Variants in ATP9B observed in about 807,000 individuals in gnomAD.
ATP9B encodes probable phospholipid-transporting ATPase IIB.
ATP9B carries 110 observed loss-of-function variants against 146.1 expected under a neutral mutation model. The ratio of observed to expected loss-of-function variants is 0.75; its 90% CI spans 0.65 to 0.88. The LOEUF is 0.88. ATP9B is among the 40% of genes least tolerant of loss of function. The pLI is 0.00. For synonymous variants in ATP9B, 604 were observed against 569.7 expected (o/e 1.06, Z -0.86); for missense variants, 1,499 against 1,496.4 (o/e 1.00, Z -0.03).
chr18:79,235,492 TAAC>T (rs2095832756), intron 11 of ATP9B, among the ~76,000 whole-genome samples: 2 of 152,238 alleles, frequency 1.3e-5, no homozygotes, highest in African/African-American at 2.4e-5. Flanking sequence ...TTTTGCGTAA[TAAC>T]AATTATAATA....
intron 13 of ATP9B, among the ~76,000 whole-genome samples, chr18:79,303,161 A>C (rs1181179664): frequency 2.0e-5 from 3 of 152,216 alleles, no homozygotes; most frequent in Non-Finnish European, 4.4e-5. Flanking sequence ...GGATCGCTTG[A>C]GACCAGGCTG....
intron 12 of ATP9B, among the ~76,000 whole-genome samples, chr18:79,259,227 C>T (rs1455185753): frequency 6.6e-6 from 1 of 152,106 alleles, no homozygotes; most frequent in Non-Finnish European, 1.5e-5. Flanking sequence ...TATATGTTCC[C>T]TAAATCCTGT....
chr18:79,108,165 C>T (rs771130902), intron 2 of ATP9B, among the ~76,000 whole-genome samples: 4 of 152,124 alleles, frequency 2.6e-5, no homozygotes, highest in African/African-American at 7.2e-5. Context: ...ACAGAGCAGT[C>T]GCAGTCTGCA....
At chr18:79,200,698 G>A (rs983338655) in intron 9 of ATP9B, among the ~76,000 whole-genome samples, 1 of 152,242 alleles carries the variant, frequency 6.6e-6, no homozygotes, top group African/African-American at 2.4e-5. Context: ...GAGTAAATGT[G>A]TTTATGTCAG....
At chr18:79,251,746 C>G (rs2096025975) in intron 11 of ATP9B, among the ~76,000 whole-genome samples, 1 of 152,170 alleles carries the variant, frequency 6.6e-6, no homozygotes, top group Admixed American at 6.5e-5. Context: ...GGCAAAGTTG[C>G]AGATTTTTCA....
rs1487493427 is a variant in ATP9B, at chr18:79,097,711, A to AT, written c.293+1068dup. Among the ~76,000 whole-genome samples the AT allele has an allele frequency of 2.7e-5, 4 of 146,722 alleles. No homozygotes were observed. In the East Asian group the frequency reaches 7.8e-4, roughly 29 times the overall value. On this transcript the variant is annotated intron_variant, in intron 2 of 29. Coordinates refer to ENST00000426216, the MANE Select transcript of ATP9B (RefSeq NM_198531.5). ...TCCCTACAAAGGACATGAACTCATC[A>AT]TTTTTTATGGCTGCATAGTATTCCA...
At position 79,372,896 on chromosome 18, in the gene ATP9B, C is replaced by G. The variant is rs1040551453; in HGVS notation, c.3070+14C>G. 1.3e-6 allele frequency: 2 copies of G among 1,576,438 alleles called. No individual in the cohort carries two copies. On this transcript the variant is annotated intron_variant, in intron 27 of 29. Transcript: ENST00000426216. Reference sequence around the variant, plus strand: ...GTATTTACCAAGGTAAGACGAGATCCTTAGTTTACTGGACTAAAGATTTTT... The same window carrying G: ...GTATTTACCAAGGTAAGACGAGATCGTTAGTTTACTGGACTAAAGATTTTT...
chr18:79,303,943 A>G (rs1311054569), intron 14 of ATP9B, among the ~76,000 whole-genome samples: 1 of 152,154 alleles, frequency 6.6e-6, no homozygotes, highest in Non-Finnish European at 1.5e-5. Flanking sequence ...TCATTTATTC[A>G]TATCACATTT....
intron 1 of ATP9B, chr18:79,087,365 G>A (rs1012964388): frequency 6.6e-6 from 1 of 152,260 alleles, no homozygotes; most frequent in Non-Finnish European, 1.5e-5. Flanking sequence ...TGTCTCCTTT[G>A]CTGCTATTGG....
At chr18:79,182,371 A>G (rs369328482) in intron 8 of ATP9B, among the ~76,000 whole-genome samples, 26 of 152,282 alleles carry the variant, frequency 1.7e-4, no homozygotes, top group Admixed American at 5.2e-4. Flanking sequence ...AACACTTTGC[A>G]TATTTCTGCA....
At chr18:79,077,943 G>A (rs1042472688) in intron 1 of ATP9B, 3 of 152,092 alleles carry the variant, frequency 2.0e-5, no homozygotes, top group East Asian at 1.9e-4. Flanking sequence ...AATAAAAGCC[G>A]GTTCGATCTT....
chr18:79,133,207 T>C (rs1298631271), intron 5 of ATP9B, among the ~76,000 whole-genome samples: 1 of 152,138 alleles, frequency 6.6e-6, no homozygotes, highest in Non-Finnish European at 1.5e-5. Context: ...TGAAGTGTAC[T>C]TAAATCATTT....
chr18:79,227,806 C>T (rs1381893755), intron 11 of ATP9B, among the ~76,000 whole-genome samples: 1 of 152,230 alleles, frequency 6.6e-6, no homozygotes, highest in Non-Finnish European at 1.5e-5. Context: ...CACGTGGGCT[C>T]CAGCCCAGCA....
At chr18:79,252,194 G>A (rs1180823528) in intron 11 of ATP9B, among the ~76,000 whole-genome samples, 1 of 152,258 alleles carries the variant, frequency 6.6e-6, no homozygotes, top group African/African-American at 2.4e-5. Context: ...GTACTGCCCA[G>A]TAGGAACCGT....
At chr18:79,162,395 A>G (rs1224594016) in intron 7 of ATP9B, among the ~76,000 whole-genome samples, 1 of 152,236 alleles carries the variant, frequency 6.6e-6, no homozygotes, top group African/African-American at 2.4e-5. Flanking sequence ...CACTTTCTTA[A>G]TTCAGATCAA....
At chr18:79,234,877 T>C (rs1251339984) in intron 11 of ATP9B, among the ~76,000 whole-genome samples, 1 of 152,224 alleles carries the variant, frequency 6.6e-6, no homozygotes, top group Non-Finnish European at 1.5e-5. Flanking sequence ...TTGCATATTA[T>C]TTATTTATTT....
At chr18:79,338,843 T>G (rs554121561) in intron 19 of ATP9B, among the ~76,000 whole-genome samples, 1 of 152,362 alleles carries the variant, frequency 6.6e-6, no homozygotes, top group East Asian at 1.9e-4. Flanking sequence ...AAGTGTAACT[T>G]GGTTTTCAGA....
At chr18:79,291,881 T>G (rs901158133) in intron 13 of ATP9B, among the ~76,000 whole-genome samples, 9 of 152,188 alleles carry the variant, frequency 5.9e-5, no homozygotes, top group Non-Finnish European at 1.3e-4. Flanking sequence ...AAAGCAACCT[T>G]GGCACTCCCC....
Position 79,126,393 on chromosome 18 carries a change from A to G in ATP9B, c.667+18A>G. On this transcript the variant is annotated intron_variant, in intron 5 of 29. Coordinates refer to ENST00000426216, the MANE Select transcript of ATP9B (RefSeq NM_198531.5). The stretch of plus-strand genomic sequence containing the variant: ...AGTAAGAGGTCAGCAAGATGCTTTA[A>G]TCCTGCTTAGCGTTTGCTTACTGTA... 3.2e-6 allele frequency: 5 copies of G among 1,558,754 alleles called. No homozygotes were observed. The highest frequency in any genetic ancestry group is 4.4e-6 in the Non-Finnish European group (5 of 1,133,694).
Sources: gnomAD v4.1 joint callset for allele counts (sites outside exome capture counted in the v4.1 genomes callset) on GRCh38, gnomAD v4.1.1 for gene constraint, MANE v1.5 for transcripts, NCBI Gene and HGNC (gene_info 2026-07-23, HGNC 2026-07-21) for gene names.